The following EFCAB6 variants were observed in gnomAD, a reference collection of about 807,000 sequenced individuals.
EFCAB6 encodes EF-hand calcium binding domain 6.
EFCAB6 carries 156 observed loss-of-function variants against 169.8 expected under a neutral mutation model. The ratio of observed to expected loss-of-function variants is 0.92; its 90% CI spans 0.81 to 1.05. The LOEUF (loss-of-function observed/expected upper bound fraction) is 1.05. Among genes scored for constraint, EFCAB6 ranks in the 50% least tolerant of loss-of-function variants. The pLI is 0.00. For synonymous variants in EFCAB6, 698 were observed against 676.4 expected (o/e 1.03, Z -0.50); for missense variants, 1,800 against 1,829.1 (o/e 0.98, Z 0.29).
chr22:43,689,487 T>C (rs1435802155), intron 10 of EFCAB6, among the ~76,000 whole-genome samples: 2 of 151,976 alleles, frequency 1.3e-5, no homozygotes, highest in African/African-American at 2.4e-5. Flanking sequence ...GAGAAGGAAA[T>C]AGGCAATCAG....
intron 27 of EFCAB6, among the ~76,000 whole-genome samples, chr22:43,547,018 A>C (rs2048096949): frequency 6.6e-6 from 1 of 152,260 alleles, no homozygotes; most frequent in African/African-American, 2.4e-5. Context: ...CGGAGAAAGA[A>C]AATGATCTCA....
At chr22:43,677,891 G>A (rs1223235127) in intron 13 of EFCAB6, 105 bp downstream of exon 13, 1 of 1,179,018 alleles carries the variant, frequency 8.5e-7, no homozygotes, top group African/African-American at 1.5e-5. Context: ...AAACTGTAAA[G>A]TCGTTAATTT....
At chr22:43,746,599 CTA>C (rs2147790560) in intron 6 of EFCAB6, among the ~76,000 whole-genome samples, 1 of 152,296 alleles carries the variant, frequency 6.6e-6, no homozygotes, top group Non-Finnish European at 1.5e-5. Context: ...GGTGCCCCGT[CTA>C]TAAGCTGAGG....
At chr22:43,747,425 T>C (rs1178379579) in intron 6 of EFCAB6, among the ~76,000 whole-genome samples, 1 of 152,144 alleles carries the variant, frequency 6.6e-6, no homozygotes, top group Non-Finnish European at 1.5e-5. Flanking sequence ...GGACCAAATC[T>C]GCAGGACCTA....
intron 2 of EFCAB6, among the ~76,000 whole-genome samples, chr22:43,783,882 GA>G (rs1341557143): frequency 6.6e-6 from 1 of 152,004 alleles, no homozygotes; most frequent in Non-Finnish European, 1.5e-5. Context: ...GCAACATACT[GA>G]GACTCTGTCT....
chr22:43,573,537 C>T (rs2050030608), intron 26 of EFCAB6, among the ~76,000 whole-genome samples: 2 of 151,998 alleles, frequency 1.3e-5, no homozygotes, highest in African/African-American at 2.4e-5. Flanking sequence ...TTGAGACTAG[C>T]CCGACCAACA....
intron 22 of EFCAB6, among the ~76,000 whole-genome samples, chr22:43,602,331 G>A (rs2052582447): frequency 6.6e-6 from 1 of 152,222 alleles, no homozygotes; most frequent in Non-Finnish European, 1.5e-5. Flanking sequence ...CTCAGAAAGA[G>A]GCCTGTGGGC....
chr22:43,591,122 T>G (rs1324814204), intron 23 of EFCAB6, among the ~76,000 whole-genome samples: 8 of 129,038 alleles, frequency 6.2e-5, no homozygotes, highest in African/African-American at 1.4e-4. Context: ...TTTTTTTTTT[T>G]TGTTTTTTTT....
intron 17 of EFCAB6, among the ~76,000 whole-genome samples, chr22:43,645,717 T>C (rs1263402407): frequency 6.6e-6 from 1 of 152,200 alleles, no homozygotes; most frequent in Non-Finnish European, 1.5e-5. Flanking sequence ...TGTCTAGGGA[T>C]GCCTGGAAAT....
At chr22:43,685,234 CAACTT>C (rs1487044373) in intron 11 of EFCAB6, among the ~76,000 whole-genome samples, 2 of 152,104 alleles carry the variant, frequency 1.3e-5, no homozygotes, top group Non-Finnish European at 2.9e-5. Context: ...TTTCAGGTGT[CAACTT>C]GACTGGATGA....
At chr22:43,590,573 A>C (rs532028800) in intron 23 of EFCAB6, among the ~76,000 whole-genome samples, 24 of 152,278 alleles carry the variant, frequency 1.6e-4, no homozygotes, top group African/African-American at 5.8e-4. Flanking sequence ...ACTCATTCTC[A>C]ATAAACACTA....
chr22:43,716,812 C>T, intron 9 of EFCAB6, 36 bp downstream of exon 9: 1 of 1,582,506 alleles, frequency 6.3e-7, no homozygotes, highest in Non-Finnish European at 8.6e-7. Flanking sequence ...GCTGTGTTTA[C>T]TCTGTAGGTA....
At chr22:43,712,472 C>T (rs1204194533) in intron 9 of EFCAB6, among the ~76,000 whole-genome samples, 2 of 152,062 alleles carry the variant, frequency 1.3e-5, no homozygotes, top group Admixed American at 6.6e-5. Context: ...GAATAAAAAG[C>T]AGAATCACTA....
chr22:43,708,369 C>G (rs2059034595), intron 10 of EFCAB6, among the ~76,000 whole-genome samples: 1 of 151,686 alleles, frequency 6.6e-6, no homozygotes, highest in Non-Finnish European at 1.5e-5. Context: ...TCACGCTCCA[C>G]CTGGGTGACA....
rs3052604 is a variant in EFCAB6, at chr22:43,744,087, GATGA to G, written c.508-8098_508-8095del. 0.085 allele frequency among the ~76,000 whole-genome samples: 12,673 copies of G among 148,512 alleles called. 649 individuals are homozygous for G. Among genetic ancestry groups the G allele is most frequent in the South Asian group, 0.17 (784 of 4,732 alleles). On this transcript the variant is annotated intron_variant, in intron 6 of 31. Coordinates refer to ENST00000262726, the MANE Select transcript of EFCAB6 (RefSeq NM_022785.4). The surrounding 1 kb of genome is among the most constrained non-coding windows in gnomAD (Gnocchi z 4.3). ...TGGATGAACGGATGAATGGATGAAT[GATGA>G]ATGAATGAATGAATGAATGAATGGA...
At chr22:43,794,134 T>C (rs2062411231) in intron 2 of EFCAB6, among the ~76,000 whole-genome samples, 1 of 152,084 alleles carries the variant, frequency 6.6e-6, no homozygotes, top group South Asian at 2.1e-4. Context: ...GAACCTGAAG[T>C]TGATTGATAA....
chr22:43,780,403 C>T (rs1210923293), intron 3 of EFCAB6, among the ~76,000 whole-genome samples: 1 of 140,630 alleles, frequency 7.1e-6, no homozygotes, highest in Non-Finnish European at 1.5e-5. Flanking sequence ...ATGAGAATCA[C>T]TTGAACCTGG....
At chr22:43,719,359 T>C (rs1321236255) in intron 8 of EFCAB6, among the ~76,000 whole-genome samples, 1 of 152,238 alleles carries the variant, frequency 6.6e-6, no homozygotes, top group East Asian at 1.9e-4. Context: ...GTGCGGTTTA[T>C]GTTCACTGCA....
intron 2 of EFCAB6, among the ~76,000 whole-genome samples, chr22:43,788,115 A>C (rs1430041863): frequency 6.6e-6 from 1 of 152,172 alleles, no homozygotes; most frequent in East Asian, 1.9e-4. Context: ...TAAGAACTAA[A>C]ACTACAGAAT....
Sources: allele counts gnomAD v4.1 joint callset (sites outside exome capture counted in the v4.1 genomes callset), GRCh38; gene constraint gnomAD v4.1.1; non-coding constraint Gnocchi (gnomAD v3.1); transcripts MANE v1.5; gene names NCBI Gene and HGNC (gene_info 2026-07-23, HGNC 2026-07-21).